Variants in DMD observed in about 807,000 individuals in gnomAD.
The protein encoded by DMD is mutant dystrophin.
A neutral mutation model predicts 330.1 loss-of-function variants in DMD; 63 were observed. The observed-to-expected ratio is 0.19, with a 90% CI of 0.16 to 0.24. The LOEUF (loss-of-function observed/expected upper bound fraction) is 0.24, where lower values mean the gene tolerates loss of function less well. Ranked by LOEUF, DMD falls within the 10% of genes least tolerant of loss-of-function variation. DMD has a pLI of 1.00. For synonymous variants in DMD, 1,223 were observed against 959.8 expected (o/e 1.27, Z -5.07); for missense variants, 3,344 against 2,684.1 (o/e 1.25, Z -5.43).
intron 22 of DMD, among the ~76,000 whole-genome samples, 180 bp from the exon 23 acceptor site, chrX:32,468,890 C>A (rs1185835990): frequency 1.8e-5 from 2 of 110,926 alleles, no homozygotes; most frequent in Non-Finnish European, 3.8e-5. Context: ...CTAAGAGTAA[C>A]TTGAATATTA....
chrX:32,629,397 T>C (rs1404095092), intron 11 of DMD, among the ~76,000 whole-genome samples: 1 of 111,861 alleles, frequency 8.9e-6, no homozygotes, highest in Admixed American at 9.5e-5. Flanking sequence ...TTTCAGTCTA[T>C]CTTTATCTTT....
chrX:33,175,221 AG>A (rs1397613683), intron 1 of DMD, among the ~76,000 whole-genome samples: 1 of 112,506 alleles, frequency 8.9e-6, no homozygotes, highest in Non-Finnish European at 1.9e-5. Context: ...TTCTTGTGAA[AG>A]TTGTGAGAGC....
intron 2 of DMD, among the ~76,000 whole-genome samples, chrX:32,945,807 T>C (rs1242006187): frequency 8.9e-6 from 1 of 111,757 alleles, no homozygotes; most frequent in Non-Finnish European, 1.9e-5. Context: ...TTACCTACAA[T>C]GAAGGATGTA....
intron 48 of DMD, among the ~76,000 whole-genome samples, chrX:31,862,049 G>A (rs2149608442): frequency 9.1e-6 from 1 of 109,671 alleles, no homozygotes. Context: ...AAACTGTGTG[G>A]CTGAAAGACA....
At chrX:32,279,980 C>A in intron 43 of DMD, among the ~76,000 whole-genome samples, 1 of 92,372 alleles carries the variant, frequency 1.1e-5, no homozygotes, top group East Asian at 3.6e-4. Context: ...TATATATGTA[C>A]CCCACATATA....
chrX:32,461,954 T>C (rs974213955), intron 25 of DMD, among the ~76,000 whole-genome samples: 3 of 111,211 alleles, frequency 2.7e-5, no homozygotes, highest in African/African-American at 9.8e-5. Flanking sequence ...GTGATTTCCC[T>C]TGACTTTTCT....
chrX:32,675,976 A>C (rs1379718812), intron 9 of DMD, among the ~76,000 whole-genome samples: 1 of 111,596 alleles, frequency 9.0e-6, no homozygotes, highest in Admixed American at 9.6e-5. Flanking sequence ...GCTTAGGCTA[A>C]TAAAATGATT....
rs1177716941 is a variant in DMD, at chrX:31,314,773, AGAGAGAGT to A, written c.9224+8817_9224+8824del. 2.3e-3 allele frequency among the ~76,000 whole-genome samples: 238 copies of A among 105,695 alleles called. 3 individuals carry two copies. The highest frequency in any genetic ancestry group is 8.4e-3 in the African/African-American group (230 of 27,350). 91.8% of individuals were successfully genotyped at this position (105,695 alleles called of 115,157 possible). A position where few individuals can be genotyped will look rare whatever the true frequency, so the allele number is the denominator to read the frequency against. ...GAGAGAGAGAGAGAGAGAGAGAGAGAGAGAGAGTGTTTTACCGTGTTAACATTTTTCCT... is the reference window on the plus strand; with the variant it reads ...GAGAGAGAGAGAGAGAGAGAGAGAGAGTTTTACCGTGTTAACATTTTTCCT... On this transcript the variant is annotated intron_variant, in intron 62 of 78. Transcript: ENST00000357033.
intron 43 of DMD, among the ~76,000 whole-genome samples, chrX:32,238,929 T>C (rs1429108756): frequency 5.4e-5 from 6 of 111,996 alleles, no homozygotes; most frequent in Non-Finnish European, 9.4e-5. Context: ...AAAACTGATG[T>C]TGTCACTTCT....
At chrX:31,229,023 G>GT (rs1464849233) in intron 63 of DMD, among the ~76,000 whole-genome samples, 1 of 111,945 alleles carries the variant, frequency 8.9e-6, no homozygotes, top group East Asian at 2.8e-4. Flanking sequence ...CATGAAACAA[G>GT]TAATAGGCTT....
At chrX:32,683,383 G>T (rs777935728) in intron 9 of DMD, among the ~76,000 whole-genome samples, 1 of 109,545 alleles carries the variant, frequency 9.1e-6, no homozygotes, top group East Asian at 2.9e-4. Context: ...GCAAAGACTT[G>T]GAATCAACCC....
At chrX:32,648,916 T>TA (rs1439472048) in intron 9 of DMD, among the ~76,000 whole-genome samples, 1 of 111,487 alleles carries the variant, frequency 9.0e-6, no homozygotes, top group East Asian at 2.8e-4. Flanking sequence ...TTGTTCTTTA[T>TA]AGATCTATTT....
intron 22 of DMD, among the ~76,000 whole-genome samples, chrX:32,471,712 A>G (rs192286026): frequency 8.9e-6 from 1 of 111,882 alleles, no homozygotes; most frequent in African/African-American, 3.2e-5. Flanking sequence ...CATTCATATA[A>G]AGGACTTGAA....
intron 43 of DMD, among the ~76,000 whole-genome samples, chrX:32,257,853 A>C (rs1327524821): frequency 9.0e-6 from 1 of 111,626 alleles, no homozygotes; most frequent in African/African-American, 3.3e-5. Flanking sequence ...TACACTGCAA[A>C]AGAAACTATC....
Position 33,282,463 on chromosome X carries a change from C to T in DMD, c.7+56796G>A, listed in dbSNP as rs2053350402. ...GAACAAAGAGGCTTCCTGCACTAGG[C>T]CACTTAGAGTGGTAAAATCCCTTGT... is the stretch of plus-strand genomic sequence containing the variant. On this transcript the variant is annotated intron_variant, in intron 1 of 17. Transcript: ENST00000288447. Among the ~76,000 whole-genome samples the T allele has an allele frequency of 1.8e-5, 2 of 111,455 alleles. 1 individual carries two copies. The highest frequency in any genetic ancestry group is 1.9e-4 in the Admixed American group (2 of 10,498).
chrX:32,629,873 A>C (rs1432706094), intron 11 of DMD, among the ~76,000 whole-genome samples: 2 of 109,831 alleles, frequency 1.8e-5, no homozygotes, highest in East Asian at 5.7e-4. Context: ...ATCTTATTAT[A>C]GTGTCTATGT....
At chrX:32,277,263 G>A (rs1445678079) in intron 43 of DMD, among the ~76,000 whole-genome samples, 1 of 111,204 alleles carries the variant, frequency 9.0e-6, no homozygotes, top group Non-Finnish European at 1.9e-5. Flanking sequence ...ACTCAACACT[G>A]GAGTATATAT....
In DMD at chrX:32,573,630, A is replaced by G. The variant is rs1326680081; in HGVS notation, c.1712T>C (p.Phe571Ser). ...WQRLTEEQCL[F>S]SAWLSEKEDA... Reference sequence around the variant, plus strand: ...TTCTTTTTCTGAAAGCCATGCACTAAAAAGGCACTGCAAGACATTAAAGAA... The same window carrying G: ...TTCTTTTTCTGAAAGCCATGCACTAGAAAGGCACTGCAAGACATTAAAGAA... Residue 571 changes from phenylalanine to serine, a missense_variant, in exon 15 of 79, where the codon TTT (phenylalanine) becomes TCT (serine). By Grantham distance (155) the Phe-to-Ser change is radical. Coordinates refer to ENST00000357033, the MANE Select transcript of DMD (RefSeq NM_004006.3). 5.8e-6 allele frequency: 7 copies of G among 1,206,670 alleles called. No homozygotes were observed. In the African/African-American group the frequency reaches 1.0e-4, roughly 18 times the overall value.
At chrX:33,284,428 T>C (rs1443761598) in intron 1 of DMD, among the ~76,000 whole-genome samples, 1 of 111,032 alleles carries the variant, frequency 9.0e-6, no homozygotes, top group Non-Finnish European at 1.9e-5. Context: ...CAAATTCTTC[T>C]TCATTAAACA....
Sources: allele counts gnomAD v4.1 joint callset (sites outside exome capture counted in the v4.1 genomes callset), GRCh38; gene constraint gnomAD v4.1.1; transcripts MANE v1.5; gene names NCBI Gene and HGNC (gene_info 2026-07-23, HGNC 2026-07-21).